The following GPR149 variants were observed in gnomAD, a reference collection of about 807,000 sequenced individuals.
The protein encoded by GPR149 is probable G protein-coupled receptor 149.
A neutral mutation model predicts 50.2 loss-of-function variants in GPR149; 50 were observed. That is an observed-to-expected ratio of 1.00 (90% confidence interval 0.79 to 1.26). The LOEUF (loss-of-function observed/expected upper bound fraction) is 1.26, where lower values mean the gene tolerates loss of function less well. GPR149 is among the 50% of genes most tolerant of loss of function. The pLI is 0.00. For missense variants in GPR149, 983 were observed against 895.4 expected (o/e 1.10, Z -1.25); for synonymous variants, 405 against 358.2 (o/e 1.13, Z -1.48).
At chr3:154,423,751 C>A (rs1398647603) in intron 2 of GPR149, among the ~76,000 whole-genome samples, 1 of 151,592 alleles carries the variant, frequency 6.6e-6, no homozygotes, top group Non-Finnish European at 1.5e-5. Flanking sequence ...TTTTTAAGTT[C>A]TTTGAGGGTA....
intron 2 of GPR149, among the ~76,000 whole-genome samples, chr3:154,426,047 A>G (rs780886729): frequency 2.6e-5 from 4 of 152,174 alleles, no homozygotes; most frequent in Non-Finnish European, 5.9e-5. Context: ...GCTAAGATTT[A>G]TTAGAATGTT....
At chr3:154,367,519 C>T (rs1437137570) in intron 3 of GPR149, among the ~76,000 whole-genome samples, 2 of 152,324 alleles carry the variant, frequency 1.3e-5, no homozygotes, top group East Asian at 3.9e-4. Context: ...TTCCGGTTCT[C>T]CTCAAGATCT....
intron 3 of GPR149, chr3:154,352,414 C>T: frequency 1.1e-6 from 1 of 930,720 alleles, no homozygotes; most frequent in Non-Finnish European, 1.8e-6. Context: ...TGCCACACTG[C>T]CTGTAACCTT....
chr3:154,352,343 A>G, intron 3 of GPR149: 1 of 1,118,510 alleles, frequency 8.9e-7, no homozygotes, highest in Non-Finnish European at 1.3e-6. Flanking sequence ...ACTTGTTTCC[A>G]TCATAATATT....
intron 3 of GPR149, among the ~76,000 whole-genome samples, chr3:154,382,202 T>G (rs998622804): frequency 3.3e-5 from 5 of 152,166 alleles, no homozygotes; most frequent in African/African-American, 1.2e-4. Flanking sequence ...GATTCACCAG[T>G]GATGCTGAGC....
At chr3:154,344,707 A>G (rs1252463862) in intron 3 of GPR149, among the ~76,000 whole-genome samples, 1 of 152,146 alleles carries the variant, frequency 6.6e-6, no homozygotes, top group East Asian at 1.9e-4. Flanking sequence ...GTCACCAGTC[A>G]AGGAACACCA....
At chr3:154,359,419 C>A (rs1291708154) in intron 3 of GPR149, among the ~76,000 whole-genome samples, 1 of 152,190 alleles carries the variant, frequency 6.6e-6, no homozygotes, top group Non-Finnish European at 1.5e-5. Context: ...GAATCAGAGA[C>A]AGACAGAAGA....
At chr3:154,370,423 G>A (rs919121223) in intron 3 of GPR149, among the ~76,000 whole-genome samples, 3 of 152,154 alleles carry the variant, frequency 2.0e-5, no homozygotes, top group Admixed American at 6.5e-5. Flanking sequence ...GAGGCCAATC[G>A]CTTAGTAGGG....
At chr3:154,378,091 T>G (rs1410711252) in intron 3 of GPR149, among the ~76,000 whole-genome samples, 5 of 98,474 alleles carry the variant, frequency 5.1e-5, no homozygotes, top group Admixed American at 5.0e-4. Context: ...CCCCCCCCTT[T>G]TTTTTTTTTT....
Position 154,428,923 on chromosome 3 carries a change from T to A in GPR149, c.693A>T (p.Glu231Asp). ...EPPRLHSNYQ[E>D]ISRGASIPGT... is the part of the protein sequence containing the mutation. ...CAGGAATTGAAGCTCCACGGGAAAT[T>A]TCCTGGTAGTTGGAGTGGAGTCTCG... The change falls in exon 1 of 4, where the codon GAA (glutamate) becomes GAT (aspartate). Residue 231 changes from glutamate to aspartate, a missense_variant. Coordinates refer to ENST00000389740, the MANE Select transcript of GPR149 (RefSeq NM_001038705.3). 6.2e-7 allele frequency: 1 copy of A among 1,614,018 alleles called. No homozygotes were observed. The highest frequency in any genetic ancestry group is 8.5e-7 in the Non-Finnish European group (1 of 1,179,984).
rs546478456 is a variant in GPR149 at position 154,343,044 on chromosome 3, G to T, written c.1624-4773C>A. Among the ~76,000 whole-genome samples the T allele has an allele frequency of 3.2e-4, 49 of 152,300 alleles. No homozygotes were observed. In the South Asian group the frequency reaches 4.4e-3, roughly 14 times the overall value. On this transcript the variant is annotated intron_variant, in intron 3 of 3. Coordinates refer to ENST00000389740, the MANE Select transcript of GPR149 (RefSeq NM_001038705.3). ...CAGTTATGTTCTGAAAAGCTATCTT[G>T]AATAGATGAGGTAAGGCTGTAAGTT...
At chr3:154,340,455 A>G (rs1713764536) in intron 3 of GPR149, among the ~76,000 whole-genome samples, 1 of 152,232 alleles carries the variant, frequency 6.6e-6, no homozygotes, top group African/African-American at 2.4e-5. Context: ...CATTCCTATT[A>G]TTATACATCC....
At chr3:154,380,016 G>A (rs2666188) in intron 3 of GPR149, among the ~76,000 whole-genome samples, 117,310 of 151,968 alleles carry the variant, frequency 0.77, 46,221 homozygotes, top group Middle Eastern at 0.91. Context: ...ACAAAACCCA[G>A]AATGATCTTC....
intron 3 of GPR149, among the ~76,000 whole-genome samples, chr3:154,402,461 C>T (rs1711570517): frequency 9.0e-6 from 1 of 111,502 alleles, no homozygotes; most frequent in African/African-American, 3.3e-5. Flanking sequence ...GAATAGAAAG[C>T]AGTGAATTCA....
chr3:154,356,369 C>T (rs746802982), intron 3 of GPR149, among the ~76,000 whole-genome samples: 18 of 152,002 alleles, frequency 1.2e-4, no homozygotes, highest in African/African-American at 3.4e-4. Context: ...GGTATTCAAT[C>T]AGGAAAAGAG....
intron 3 of GPR149, chr3:154,353,413 T>A: frequency 9.2e-7 from 1 of 1,092,160 alleles, no homozygotes; most frequent in Non-Finnish European, 1.4e-6. Context: ...GATTTGTGAA[T>A]CACATCTTCA....
chr3:154,371,468 G>A (rs1362296595), intron 3 of GPR149, among the ~76,000 whole-genome samples: 2 of 152,030 alleles, frequency 1.3e-5, no homozygotes, highest in East Asian at 1.9e-4. Context: ...GGAATACTGG[G>A]CAGGCTTGGG....
chr3:154,352,222 G>T, intron 3 of GPR149: 1 of 892,394 alleles, frequency 1.1e-6, no homozygotes. Context: ...CTTCCTGAGT[G>T]ACTCCCTTGT....
At chr3:154,348,880 C>G (rs979683174) in intron 3 of GPR149, among the ~76,000 whole-genome samples, 1 of 151,988 alleles carries the variant, frequency 6.6e-6, no homozygotes, top group African/African-American at 2.4e-5. Flanking sequence ...CTATCTAAGC[C>G]ATAAGACAAA....
Sources: gnomAD v4.1 joint callset for allele counts (sites outside exome capture counted in the v4.1 genomes callset) on GRCh38, gnomAD v4.1.1 for gene constraint, MANE v1.5 for transcripts, NCBI Gene and HGNC (gene_info 2026-07-23, HGNC 2026-07-21) for gene names.